ZFHX3: variants seen among roughly 807,000 people sequenced by gnomAD.
ZFHX3 encodes the protein zinc finger homeobox 3.
In ZFHX3, 42 loss-of-function variants were observed where a neutral mutation model predicts 279.1. The ratio of observed to expected loss-of-function variants is 0.15; its 90% confidence interval spans 0.12 to 0.19. The LOEUF (loss-of-function observed/expected upper bound fraction) is 0.19. ZFHX3 is among the 10% of genes least tolerant of loss of function. ZFHX3 has a pLI of 1.00. For missense variants in ZFHX3, 4,981 were observed against 4,754.0 expected, an observed-to-expected ratio of 1.05 and a Z score of -1.40; for synonymous variants, 2,293 against 1,957.8, an observed-to-expected ratio of 1.17 and a Z score of -4.52.
At chr16:73,311,589 CAAAA>C (rs1156241061) in intron 4 of ZFHX3, among the ~76,000 whole-genome samples, 8 of 27,998 alleles carry the variant, frequency 2.9e-4, no homozygotes, top group South Asian at 2.7e-3. Context: ...TACTCCATCT[CAAAA>C]AAAAAAAAAA....
intron 1 of ZFHX3, among the ~76,000 whole-genome samples, chr16:73,747,731 C>T (rs189084134): frequency 5.1e-4 from 77 of 152,236 alleles, no homozygotes; most frequent in African/African-American, 1.7e-3. Flanking sequence ...CTTGATTTCT[C>T]CATTTAGATG....
intron 1 of ZFHX3, among the ~76,000 whole-genome samples, chr16:73,783,014 G>A (rs1167223133): frequency 6.6e-6 from 1 of 152,136 alleles, no homozygotes; most frequent in South Asian, 2.1e-4. Flanking sequence ...AGATGCTGGG[G>A]CAATATGGAA....
At chr16:73,875,985 C>G (rs2029934107) in intron 1 of ZFHX3, among the ~76,000 whole-genome samples, 1 of 152,196 alleles carries the variant, frequency 6.6e-6, no homozygotes, top group Middle Eastern at 3.2e-3. Flanking sequence ...TCCATTCCTT[C>G]TTAGCCATAG....
intron 5 of ZFHX3, among the ~76,000 whole-genome samples, chr16:73,204,881 C>T (rs1322795577): frequency 6.6e-6 from 1 of 152,188 alleles, no homozygotes; most frequent in Non-Finnish European, 1.5e-5. Flanking sequence ...GCAACTTGCC[C>T]ATAGTCGTTG....
chr16:73,655,763 G>C (rs2052715985), intron 2 of ZFHX3, among the ~76,000 whole-genome samples: 2 of 152,074 alleles, frequency 1.3e-5, no homozygotes, highest in Non-Finnish European at 2.9e-5. Flanking sequence ...CTTCTAGTGA[G>C]AGTATAAAAC....
intron 2 of ZFHX3, among the ~76,000 whole-genome samples, chr16:73,657,780 T>C (rs1390343934): frequency 6.6e-6 from 1 of 152,240 alleles, no homozygotes; most frequent in Non-Finnish European, 1.5e-5. Context: ...TGTCAGTACC[T>C]CATTTCTTTC....
rs76675055 is a variant in ZFHX3, at chr16:73,802,044, G to A, written c.-1608+89607C>T. Among the ~76,000 whole-genome samples, 1,012 of 152,320 alleles carry A rather than the reference G, an allele frequency of 6.6e-3. 9 individuals carry two copies. Among genetic ancestry groups the A allele is most frequent in the African/African-American group, 0.023 (963 of 41,566 alleles). On this transcript the variant is annotated intron_variant, in intron 1 of 17. Transcript: ENST00000641206. ...GTCATCCTTGTTTATGAAGGACAGT[G>A]TGTCAGTCCTGTCAAAGGTAACAAA...
At chr16:73,737,184 C>G (rs897538160) in intron 1 of ZFHX3, among the ~76,000 whole-genome samples, 1 of 152,148 alleles carries the variant, frequency 6.6e-6, no homozygotes, top group Non-Finnish European at 1.5e-5. Context: ...CAGGCACATG[C>G]TACCACACCC....
intron 5 of ZFHX3, among the ~76,000 whole-genome samples, chr16:72,818,653 G>A (rs552668443): frequency 4.6e-5 from 7 of 152,254 alleles, no homozygotes; most frequent in Admixed American, 3.3e-4. Context: ...AGCAGGGGGC[G>A]GTCTTCAGGC....
rs1476865166 is a variant in ZFHX3, at chr16:73,105,454, TA to T, written c.-896-11857del. On this transcript the variant is annotated intron_variant, in intron 7 of 17. Coordinates refer to the ZFHX3 transcript ENST00000641206. ...ATATACACACACACACATATATATA[TA>T]TATTTTTTCCCCCAGGCCAGGCGTG... Among the ~76,000 whole-genome samples, 2 of 89,796 alleles carry T rather than the reference TA, an allele frequency of 2.2e-5. 1 individual carries two copies. The highest frequency in any genetic ancestry group is 1.3e-4 in the African/African-American group (2 of 15,290). The allele number at this position is 89,796 out of a possible 152,430, so 58.9% of individuals were successfully genotyped here.
intron 4 of ZFHX3, among the ~76,000 whole-genome samples, chr16:72,864,989 T>A (rs146353165): frequency 3.3e-5 from 5 of 152,336 alleles, no homozygotes; most frequent in African/African-American, 1.2e-4. Context: ...CAAATGGGTG[T>A]TAGGTGAGGC....
At chr16:73,403,990 T>G (rs1333702737) in intron 3 of ZFHX3, among the ~76,000 whole-genome samples, 3 of 152,070 alleles carry the variant, frequency 2.0e-5, no homozygotes, top group Non-Finnish European at 2.9e-5. Context: ...TGTGGGGAAT[T>G]TTAAGGGTAG....
intron 1 of ZFHX3, among the ~76,000 whole-genome samples, chr16:73,864,443 G>A (rs1961959299): frequency 6.6e-6 from 1 of 152,254 alleles, no homozygotes; most frequent in African/African-American, 2.4e-5. Context: ...TGTAGGCTGG[G>A]TCTAGTGGCT....
At chr16:73,459,907 G>C (rs1176713624) in intron 2 of ZFHX3, among the ~76,000 whole-genome samples, 1 of 152,142 alleles carries the variant, frequency 6.6e-6, no homozygotes, top group Non-Finnish European at 1.5e-5. Context: ...CTTCCACCTG[G>C]TCTCTCCCTT....
At chr16:72,923,424 G>A (rs978529454) in intron 3 of ZFHX3, among the ~76,000 whole-genome samples, 21 of 147,176 alleles carry the variant, frequency 1.4e-4, no homozygotes, top group African/African-American at 4.8e-4. Flanking sequence ...CAGCCTGGGC[G>A]ACAGAGTGAG....
At chr16:73,160,017 C>T (rs1229804914) in intron 5 of ZFHX3, among the ~76,000 whole-genome samples, 1 of 152,140 alleles carries the variant, frequency 6.6e-6, no homozygotes, top group Admixed American at 6.5e-5. Context: ...CCTGTCTTGG[C>T]CTCCTAAAGT....
intron 2 of ZFHX3, among the ~76,000 whole-genome samples, chr16:73,466,166 C>T (rs911898005): frequency 7.8e-6 from 1 of 127,812 alleles, no homozygotes; most frequent in African/African-American, 3.1e-5. Flanking sequence ...AGAAATCATT[C>T]TTTTCAATCG....
chr16:73,702,081 G>A (rs2142217509), intron 1 of ZFHX3, among the ~76,000 whole-genome samples: 1 of 152,202 alleles, frequency 6.6e-6, no homozygotes, highest in South Asian at 2.1e-4. Context: ...AATCAAGGAG[G>A]TGGAGAGTGC....
chr16:73,345,574 T>C (rs1386167047), intron 3 of ZFHX3, among the ~76,000 whole-genome samples: 1 of 152,160 alleles, frequency 6.6e-6, no homozygotes, highest in Non-Finnish European at 1.5e-5. Context: ...ATGATCTCGT[T>C]CCTTTTTATG....
Sources: allele counts gnomAD v4.1 joint callset (sites outside exome capture counted in the v4.1 genomes callset), GRCh38; gene constraint gnomAD v4.1.1; transcripts MANE v1.5; gene names NCBI Gene and HGNC (gene_info 2026-07-23, HGNC 2026-07-21).